The following CTNNA2 variants were observed in gnomAD, a reference collection of about 807,000 sequenced individuals.
CTNNA2 encodes the protein catenin alpha 2.
In CTNNA2, 42 loss-of-function variants were observed where a neutral mutation model predicts 101.0. That is an observed-to-expected ratio of 0.42 (90% CI 0.32 to 0.54). The LOEUF is 0.54. Ranked by LOEUF, CTNNA2 falls within the 20% of genes least tolerant of loss-of-function variation. The pLI is 0.14. For missense variants in CTNNA2, 871 were observed against 1,223.1 expected (o/e 0.71, Z 4.29); for synonymous variants, 450 against 456.4 (o/e 0.99, Z 0.18).
chr2:80,595,831 C>G (rs192246206), intron 15 of CTNNA2, among the ~76,000 whole-genome samples: 5 of 151,946 alleles, frequency 3.3e-5, no homozygotes, highest in African/African-American at 1.2e-4. Flanking sequence ...TGCTTAGGAT[C>G]GTCTTGGCTA....
intron 2 of CTNNA2, among the ~76,000 whole-genome samples, chr2:79,729,601 T>C (rs1387396981): frequency 6.6e-6 from 1 of 152,116 alleles, no homozygotes; most frequent in Non-Finnish European, 1.5e-5. Flanking sequence ...CTGCTTTCTT[T>C]TTTTGTGTGA....
intron 7 of CTNNA2, among the ~76,000 whole-genome samples, chr2:80,208,426 A>G (rs1707667393): frequency 6.6e-6 from 1 of 152,204 alleles, no homozygotes; most frequent in East Asian, 1.9e-4. Context: ...CTCTCTTACT[A>G]TACTGCTAAC....
At chr2:79,532,830 C>G (rs374060812) in intron 1 of CTNNA2, among the ~76,000 whole-genome samples, 1 of 151,946 alleles carries the variant, frequency 6.6e-6, no homozygotes, top group African/African-American at 2.4e-5. Context: ...GCTGAAAAAG[C>G]ATTCAGTGTG....
chr2:79,530,689 A>G (rs1404877785), intron 1 of CTNNA2, among the ~76,000 whole-genome samples: 1 of 152,194 alleles, frequency 6.6e-6, no homozygotes, highest in Non-Finnish European at 1.5e-5. Context: ...GAGTAGCTTC[A>G]GTCAAGTGGT....
intron 1 of CTNNA2, among the ~76,000 whole-genome samples, chr2:79,525,530 T>C (rs942438131): frequency 3.0e-4 from 45 of 152,086 alleles, no homozygotes; most frequent in Admixed American, 2.1e-3. Context: ...TGCTGTTTTC[T>C]CCATTAAAGG....
chr2:79,290,677 C>T (rs560073331), intron 2 of CTNNA2, among the ~76,000 whole-genome samples: 64 of 152,258 alleles, frequency 4.2e-4, no homozygotes, highest in African/African-American at 1.4e-3. Context: ...GGCCATCAAC[C>T]GGAGGAACGA....
intron 7 of CTNNA2, among the ~76,000 whole-genome samples, chr2:80,091,920 A>G (rs1699816173): frequency 6.6e-6 from 1 of 152,034 alleles, no homozygotes; most frequent in Admixed American, 6.6e-5. Context: ...TTTAAGTTAA[A>G]TTTTTGTTTT....
intron 8 of CTNNA2, among the ~76,000 whole-genome samples, chr2:80,403,491 A>G (rs1678768190): frequency 6.6e-6 from 1 of 152,204 alleles, no homozygotes; most frequent in African/African-American, 2.4e-5. Flanking sequence ...TATCACAGTG[A>G]CATGGGCTTT....
chr2:79,523,916 T>G (rs1426827720), intron 1 of CTNNA2, among the ~76,000 whole-genome samples: 1 of 152,108 alleles, frequency 6.6e-6, no homozygotes, highest in Admixed American at 6.6e-5. Flanking sequence ...TTTTCCAAGT[T>G]TTTTTGCATG....
intron 13 of CTNNA2, among the ~76,000 whole-genome samples, chr2:80,581,220 G>A (rs778694408): frequency 5.3e-5 from 8 of 152,142 alleles, no homozygotes; most frequent in Non-Finnish European, 8.8e-5. Flanking sequence ...TATTCAGGCA[G>A]TCTTGACTCT....
At chr2:80,076,263 T>C (rs944216858) in intron 7 of CTNNA2, among the ~76,000 whole-genome samples, 1 of 151,502 alleles carries the variant, frequency 6.6e-6, no homozygotes. Context: ...TACAGACTTT[T>C]TGCATCATTT....
chr2:79,480,409 C>T (rs1251879156), intron 4 of CTNNA2, among the ~76,000 whole-genome samples: 1 of 152,164 alleles, frequency 6.6e-6, no homozygotes, highest in African/African-American at 2.4e-5. Context: ...TTGTCCTAGG[C>T]ATCCATATAC....
At chr2:79,400,432 A>C (rs1678277511) in intron 4 of CTNNA2, among the ~76,000 whole-genome samples, 2 of 152,000 alleles carry the variant, frequency 1.3e-5, no homozygotes, top group African/African-American at 4.8e-5. Flanking sequence ...CTATATAGAG[A>C]ATATCAATAA....
intron 3 of CTNNA2, among the ~76,000 whole-genome samples, chr2:79,822,930 T>G (rs1678128315): frequency 6.6e-6 from 1 of 152,216 alleles, no homozygotes; most frequent in African/African-American, 2.4e-5. Flanking sequence ...TTCAGATCAA[T>G]GATCATACAG....
chr2:80,450,892 A>G (rs973493657), intron 9 of CTNNA2, among the ~76,000 whole-genome samples: 4 of 152,148 alleles, frequency 2.6e-5, no homozygotes, highest in Non-Finnish European at 5.9e-5. Context: ...CTTGAGAGGA[A>G]CAATTCTATT....
chr2:79,256,927 A>G (rs545495797), intron 2 of CTNNA2, among the ~76,000 whole-genome samples: 4 of 152,310 alleles, frequency 2.6e-5, no homozygotes, highest in African/African-American at 7.2e-5. Context: ...TTGATATGAT[A>G]TTATTTTATT....
At chr2:80,075,634 A>T (rs1441369635) in intron 7 of CTNNA2, among the ~76,000 whole-genome samples, 5 of 112,548 alleles carry the variant, frequency 4.4e-5, no homozygotes, top group African/African-American at 1.0e-4. Flanking sequence ...ATATTTATAC[A>T]TGTATAAATA....
chr2:79,866,022 T>A (rs997223609), intron 4 of CTNNA2, among the ~76,000 whole-genome samples: 1 of 152,232 alleles, frequency 6.6e-6, no homozygotes, highest in African/African-American at 2.4e-5. Flanking sequence ...GCCAGCCTGC[T>A]TTTTTATGTT....
chr2:79,692,538 G>A (rs550454609), intron 2 of CTNNA2, among the ~76,000 whole-genome samples: 1 of 151,898 alleles, frequency 6.6e-6, no homozygotes, highest in East Asian at 1.9e-4. Flanking sequence ...AATTACAAAG[G>A]ATTATAAATC....
Sources: allele counts gnomAD v4.1 joint callset (sites outside exome capture counted in the v4.1 genomes callset), GRCh38; gene constraint gnomAD v4.1.1; transcripts MANE v1.5; gene names NCBI Gene and HGNC (gene_info 2026-07-23, HGNC 2026-07-21).